The following GSE1 variants were observed in gnomAD, a reference collection of about 807,000 sequenced individuals.
GSE1 encodes genetic suppressor element 1.
In GSE1, 32 loss-of-function variants were observed where a neutral mutation model predicts 112.6. The observed-to-expected ratio is 0.28, with a 90% CI of 0.21 to 0.38. The LOEUF is 0.38. Ranked by LOEUF, GSE1 falls within the 10% of genes least tolerant of loss-of-function variation. The pLI is 1.00. For missense variants in GSE1, 2,348 were observed against 1,699.2 expected, an observed-to-expected ratio of 1.38 and a Z score of -6.71; for synonymous variants, 1,115 against 735.6, an observed-to-expected ratio of 1.52 and a Z score of -8.35.
At chr16:85,454,539 G>T (rs972004331) in intron 2 of GSE1, among the ~76,000 whole-genome samples, 1 of 152,200 alleles carries the variant, frequency 6.6e-6, no homozygotes, top group African/African-American at 2.4e-5. Context: ...AGTTTCCCGG[G>T]GCTGCCATAA....
rs2053609249 is a variant in GSE1 at position 85,675,066 on chromosome 16, C to T, written c.*2527C>T. On this transcript the variant is annotated 3_prime_UTR_variant, in exon 16 of 16. Transcript: ENST00000253458. ...TCCCCATCCAACTATTAGTTTCATA[C>T]TTTGAAAACTTACTTTCAGATTATT... 2 of 152,352 alleles carry T rather than the reference C, an allele frequency of 1.3e-5. No homozygotes were observed. Among genetic ancestry groups the T allele is most frequent in the Non-Finnish European group, 2.9e-5 (2 of 68,036 alleles). The allele number at this position is 152,352 out of a possible 1,614,324, so 9.4% of individuals were successfully genotyped here. A position where few individuals can be genotyped will look rare whatever the true frequency, so the allele number is the denominator to read the frequency against.
chr16:85,517,839 C>CG (rs1483504701), intron 2 of GSE1, among the ~76,000 whole-genome samples: 1 of 152,270 alleles, frequency 6.6e-6, no homozygotes, highest in African/African-American at 2.4e-5. Context: ...AAGCAGGCTC[C>CG]GCCGTGAAGA....
intron 8 of GSE1, among the ~76,000 whole-genome samples, chr16:85,658,942 G>A (rs977373329): frequency 6.6e-6 from 1 of 152,252 alleles, no homozygotes; most frequent in East Asian, 1.9e-4. Context: ...CCTGGCTGCG[G>A]TGGTTCCCCT....
rs531631889 is a variant in GSE1, at chr16:85,453,021, C to G, written c.2464+95378C>G. ...CTGTGTTTTGGTTTTCTGTCCCCGA[C>G]GCTGCCGGTCCAGGGCGGAGGGACA... is the stretch of plus-strand genomic sequence containing the variant. On this transcript the variant is annotated intron_variant, in intron 2 of 2. Coordinates refer to the GSE1 transcript ENST00000637419. 4.6e-5 allele frequency among the ~76,000 whole-genome samples: 7 copies of G among 152,320 alleles called. No individual in the cohort carries two copies. The South Asian group carries it at 6.2e-4, about 14-fold the overall frequency.
chr16:85,256,018 G>A (rs775200441), intron 1 of GSE1, among the ~76,000 whole-genome samples: 30 of 152,188 alleles, frequency 2.0e-4, no homozygotes, highest in African/African-American at 6.3e-4. Context: ...GCGTGACCTC[G>A]GGCAAGTCCC....
At chr16:85,400,801 CTG>C (rs2048092989) in intron 2 of GSE1, among the ~76,000 whole-genome samples, 1 of 76,996 alleles carries the variant, frequency 1.3e-5, no homozygotes, top group South Asian at 5.7e-4. Context: ...GTGTGTGTCT[CTG>C]TATGATTTTG....
upstream of GSE1, among the ~76,000 whole-genome samples, chr16:85,552,153 G>A (rs2044947625): frequency 6.6e-6 from 1 of 151,902 alleles, no homozygotes; most frequent in Admixed American, 6.6e-5. Context: ...AGCCTCCCCA[G>A]AAGCTGGGAC....
chr16:85,549,544 G>A (rs375134990), intron 2 of GSE1, among the ~76,000 whole-genome samples: 11 of 152,142 alleles, frequency 7.2e-5, no homozygotes, highest in Admixed American at 5.9e-4. Flanking sequence ...GGGATGCCTC[G>A]GTCCCAGGAT....
chr16:85,370,916 G>C (rs2047284578), intron 2 of GSE1, among the ~76,000 whole-genome samples: 1 of 152,226 alleles, frequency 6.6e-6, no homozygotes. Context: ...AGCCAGCCTG[G>C]CTCCTGTGTA....
intron 1 of GSE1, among the ~76,000 whole-genome samples, chr16:85,572,173 C>T (rs939103250): frequency 6.8e-6 from 1 of 147,624 alleles, no homozygotes; most frequent in African/African-American, 2.5e-5. Flanking sequence ...CTGAATACTA[C>T]ACACACACCA....
At chr16:85,354,238 A>T (rs946596623) in intron 1 of GSE1, among the ~76,000 whole-genome samples, 7 of 152,164 alleles carry the variant, frequency 4.6e-5, no homozygotes, top group African/African-American at 7.2e-5. Flanking sequence ...TGTGTCCCCC[A>T]GTTGCTTTGT....
chr16:85,291,721 TA>T, intron 1 of GSE1, among the ~76,000 whole-genome samples: 1 of 152,302 alleles, frequency 6.6e-6, no homozygotes, highest in East Asian at 1.9e-4. Context: ...CTGTGGGGGT[TA>T]GGGGTGAAGG....
intron 1 of GSE1, among the ~76,000 whole-genome samples, chr16:85,575,277 C>T (rs1307438436): frequency 6.6e-6 from 1 of 152,216 alleles, no homozygotes; most frequent in Non-Finnish European, 1.5e-5. Context: ...CTGTGGCGAG[C>T]AGCTTTCAAA....
At chr16:85,656,780 C>T in intron 7 of GSE1, 115 bp downstream of exon 7, 1 of 1,380,114 alleles carries the variant, frequency 7.2e-7, no homozygotes, top group South Asian at 1.5e-5. Flanking sequence ...GCTGAGTTCG[C>T]CCTAAAAGCG....
At chr16:85,413,389 T>C (rs2151720803) in intron 2 of GSE1, among the ~76,000 whole-genome samples, 1 of 152,056 alleles carries the variant, frequency 6.6e-6, no homozygotes, top group Non-Finnish European at 1.5e-5. Context: ...TTGGGGAGAT[T>C]GATGTCACCA....
At chr16:85,660,897 T>G (rs1315714968) in intron 8 of GSE1, among the ~76,000 whole-genome samples, 7 of 152,068 alleles carry the variant, frequency 4.6e-5, no homozygotes, top group African/African-American at 7.2e-5. Context: ...CCCAAAGTGC[T>G]GGGATTACAG....
chr16:85,554,443 CATTT>C (rs2045095197), upstream of GSE1, among the ~76,000 whole-genome samples: 3 of 152,264 alleles, frequency 2.0e-5, no homozygotes, highest in Middle Eastern at 3.4e-3. Flanking sequence ...CCAGTAATAG[CATTT>C]ATTAGGTCTA....
intron 1 of GSE1, among the ~76,000 whole-genome samples, chr16:85,346,752 G>T (rs535113990): frequency 5.7e-4 from 87 of 151,808 alleles, no homozygotes; most frequent in African/African-American, 2.1e-3. Flanking sequence ...TGAGTGGATG[G>T]TGGGCAGGTG....
rs1265597466 is a variant in GSE1 at position 85,675,429 on chromosome 16, C to T, written c.*2890C>T. The stretch of plus-strand genomic sequence containing the variant: ...AAATATCATGTTCCTAATCTGTTGT[C>T]TCAGATAAGTGACCAAGACGGGACT... On this transcript the variant is annotated 3_prime_UTR_variant, in exon 16 of 16. Coordinates refer to ENST00000253458, the MANE Select transcript of GSE1 (RefSeq NM_014615.5). 6.6e-6 allele frequency: 1 copy of T among 152,212 alleles called. No individual in the cohort carries two copies. Among genetic ancestry groups the T allele is most frequent in the Non-Finnish European group, 1.5e-5 (1 of 68,042 alleles). 9.4% of individuals were successfully genotyped at this position (152,212 alleles called of 1,614,324 possible). A position where few individuals can be genotyped will look rare whatever the true frequency, so the allele number is the denominator to read the frequency against.
Sources: gnomAD v4.1 joint callset for allele counts (sites outside exome capture counted in the v4.1 genomes callset) on GRCh38, gnomAD v4.1.1 for gene constraint, MANE v1.5 for transcripts, NCBI Gene and HGNC (gene_info 2026-07-23, HGNC 2026-07-21) for gene names.